Variants in XKR7 observed in about 807,000 individuals in gnomAD.
XKR7 encodes the protein XK related 7.
Under a neutral mutation model 42.2 loss-of-function variants are expected in XKR7, and 11 were observed. That is an observed-to-expected ratio of 0.26 (90% CI 0.16 to 0.43). The LOEUF (loss-of-function observed/expected upper bound fraction) is 0.43. Ranked by LOEUF, XKR7 falls within the 20% of genes least tolerant of loss-of-function variation. The pLI, the probability that XKR7 is intolerant of heterozygous loss-of-function variation, is 1.00. For missense variants in XKR7, 710 were observed against 802.2 expected, an observed-to-expected ratio of 0.89 and a Z score of 1.39; for synonymous variants, 346 against 366.4, an observed-to-expected ratio of 0.94 and a Z score of 0.64.
At chr20:31,980,750 G>C (rs1354565339) in intron 1 of XKR7, among the ~76,000 whole-genome samples, 3 of 151,952 alleles carry the variant, frequency 2.0e-5, no homozygotes, top group Non-Finnish European at 2.9e-5. Context: ...ACCTTCCTGT[G>C]GCTCTCCATC....
intron 2 of XKR7, among the ~76,000 whole-genome samples, chr20:31,996,151 C>T (rs2064590222): frequency 1.3e-5 from 2 of 151,982 alleles, no homozygotes; most frequent in Non-Finnish European, 2.9e-5. Context: ...TCCTCTTCAC[C>T]TCCTCTTCCA....
rs187081393 is a variant in XKR7 at position 31,969,770 on chromosome 20, C to G, written c.584+1011C>G. Among the ~76,000 whole-genome samples, 180 of 152,246 alleles carry G rather than the reference C, an allele frequency of 1.2e-3. 1 individual carries two copies. The highest frequency in any genetic ancestry group is 4.2e-3 in the African/African-American group (173 of 41,542). ...CATTATTCTTACCTGTTGGGATGGT[C>G]AGGTGAGAGGTCTGCATGAGGGCCC... On this transcript the variant is annotated intron_variant, in intron 1 of 2. Transcript: ENST00000562532.
chr20:31,977,023 C>T (rs1042826622), intron 1 of XKR7, among the ~76,000 whole-genome samples: 3 of 152,196 alleles, frequency 2.0e-5, no homozygotes, highest in Non-Finnish European at 2.9e-5. Flanking sequence ...TGGCATTTGG[C>T]AGGGTGCTGA....
In XKR7 at chr20:31,996,692, G is replaced by A; in HGVS notation, c.975G>A (p.Lys325=). Residue 325 remains lysine (K), a synonymous_variant, in exon 3 of 3, where the codon AAG becomes AAA. Coordinates refer to ENST00000562532, the MANE Select transcript of XKR7 (RefSeq NM_001011718.2). ...LAFALFASVY[K]LYFGIFIVAH... ...TCGCGCTCTTCGCCAGCGTCTACAA[G>A]CTCTATTTTGGCATCTTCATCGTGG... 6.2e-7 allele frequency: 1 copy of A among 1,610,378 alleles called. No individual in the cohort carries two copies. The highest frequency in any genetic ancestry group is 8.5e-7 in the Non-Finnish European group (1 of 1,177,874).
chr20:31,990,931 C>G (rs759241152), intron 1 of XKR7, among the ~76,000 whole-genome samples: 20 of 152,136 alleles, frequency 1.3e-4, no homozygotes, highest in Admixed American at 2.0e-4. Flanking sequence ...GCCTTTTATC[C>G]CCAGACCACA....
intron 1 of XKR7, among the ~76,000 whole-genome samples, chr20:31,974,932 C>T (rs2122251525): frequency 6.6e-6 from 1 of 152,220 alleles, no homozygotes; most frequent in East Asian, 1.9e-4. Flanking sequence ...TGCCTCCTCC[C>T]CTTGCCCATC....
rs1481464353 is a variant in XKR7, at chr20:32,002,506, T to G, written c.*5049T>G. 4 of 152,276 alleles carry G rather than the reference T, an allele frequency of 2.6e-5. No individual in the cohort carries two copies. Among genetic ancestry groups the G allele is most frequent in the Middle Eastern group, 3.4e-3 (1 of 294 alleles). 9.4% of individuals were successfully genotyped at this position (152,276 alleles called of 1,614,324 possible). Reference sequence around the variant, plus strand: ...CTAAACCACCGAACTTGGAGGAGCCTCATATAAACATAGCCCCCAGCCCCA... The same window carrying G: ...CTAAACCACCGAACTTGGAGGAGCCGCATATAAACATAGCCCCCAGCCCCA... On this transcript the variant is annotated 3_prime_UTR_variant, in exon 3 of 3. Coordinates refer to ENST00000562532, the MANE Select transcript of XKR7 (RefSeq NM_001011718.2).
chr20:31,971,397 T>C (rs1471127416), intron 1 of XKR7, among the ~76,000 whole-genome samples: 1 of 152,238 alleles, frequency 6.6e-6, no homozygotes, highest in East Asian at 1.9e-4. Flanking sequence ...TCTGGGTCTA[T>C]TGCCAAAGCA....
chr20:31,994,386 A>T (rs1236956838), intron 1 of XKR7, among the ~76,000 whole-genome samples: 1 of 152,140 alleles, frequency 6.6e-6, no homozygotes, highest in Admixed American at 6.5e-5. Context: ...GATAAATGAC[A>T]TATCTCTCTG....
chr20:31,969,592 A>G (rs1210576849), intron 1 of XKR7, among the ~76,000 whole-genome samples: 1 of 152,220 alleles, frequency 6.6e-6, no homozygotes, highest in Non-Finnish European at 1.5e-5. Context: ...CTGAATTGCT[A>G]TTTAGTAGCT....
intron 1 of XKR7, among the ~76,000 whole-genome samples, chr20:31,985,440 A>G (rs545725951): frequency 6.6e-6 from 1 of 151,986 alleles, no homozygotes; most frequent in East Asian, 1.9e-4. Flanking sequence ...AGTCAGGGAG[A>G]GGAGGAGCAG....
At chr20:31,969,742 T>C (rs2064455622) in intron 1 of XKR7, among the ~76,000 whole-genome samples, 1 of 152,224 alleles carries the variant, frequency 6.6e-6, no homozygotes, top group Non-Finnish European at 1.5e-5. Context: ...TGTCTTATCA[T>C]TGCATTATTC....
intron 1 of XKR7, among the ~76,000 whole-genome samples, chr20:31,981,223 A>C (rs1244355775): frequency 1.3e-5 from 2 of 151,762 alleles, no homozygotes; most frequent in Non-Finnish European, 2.9e-5. Flanking sequence ...AAATACAAAA[A>C]TCAGCTGGGT....
intron 1 of XKR7, among the ~76,000 whole-genome samples, chr20:31,978,900 C>T (rs184074560): frequency 1.3e-5 from 2 of 151,900 alleles, no homozygotes; most frequent in Admixed American, 6.6e-5. Context: ...TTTGGGAGGC[C>T]GAGGTGGGAA....
chr20:31,997,227 C>T lies in XKR7; in HGVS notation c.1510C>T (p.Arg504Trp), dbSNP rs530229497. The T allele has an allele frequency of 6.2e-6, 10 of 1,611,210 alleles. No individual in the cohort carries two copies. The highest frequency in any genetic ancestry group is 1.3e-5 in the African/African-American group (1 of 75,068). The change falls in exon 3 of 3, where the codon CGG becomes TGG. Residue 504 changes from arginine (R) to tryptophan (W), a missense_variant. Arg to Trp is a moderately radical substitution (Grantham distance 101). Transcript: ENST00000562532. ...CCCCACCCCACCTGTCTTCCAGGTG[C>T]GGCCTGGCTTGCCTCCCACACCAGT... ...GTPTPPVFQVRPGLPPTPVAR... is the reference protein window; with the variant it reads ...GTPTPPVFQVWPGLPPTPVAR...
chr20:31,995,535 C>A lies in XKR7; in HGVS notation c.787+265C>A, dbSNP rs2064587631. 6.6e-6 allele frequency among the ~76,000 whole-genome samples: 1 copy of A among 152,004 alleles called. No individual in the cohort carries two copies. The highest frequency in any genetic ancestry group is 6.5e-5 in the Admixed American group (1 of 15,274). The stretch of plus-strand genomic sequence containing the variant: ...CTCGACACCCATCAGCCCCCCTGGG[C>A]GCTCCTGCCCTCCTCCCTTCCCCGT... On this transcript the variant is annotated intron_variant, in intron 2 of 2. Transcript: ENST00000562532. The surrounding 1 kb of genome is among the most constrained non-coding windows in gnomAD (Gnocchi z 4.1).
intron 1 of XKR7, among the ~76,000 whole-genome samples, chr20:31,988,344 G>A (rs1289652329): frequency 6.6e-6 from 1 of 152,140 alleles, no homozygotes; most frequent in Admixed American, 6.5e-5. Flanking sequence ...GGTAGGATGG[G>A]CCTGGGGAGA....
At chr20:31,978,730 A>G (rs2064497091) in intron 1 of XKR7, among the ~76,000 whole-genome samples, 1 of 152,268 alleles carries the variant, frequency 6.6e-6, no homozygotes, top group African/African-American at 2.4e-5. Context: ...CATGGCAAGC[A>G]TTGAACATGT....
At position 31,995,180 on chromosome 20, in the gene XKR7, T is replaced by A. The variant is rs1568892365; in HGVS notation, c.697T>A (p.Leu233Met). ...GAGCGCCGACGTGAGCATGCTGCGC[T>A]TGCTGGAGACCTTCCTGCGCAGCGC... The part of the protein sequence containing the change: ...FESADVSMLR[L>M]LETFLRSAPQ... The change falls in exon 2 of 3, where the codon TTG (leucine) becomes ATG (methionine). Residue 233 changes from leucine (L) to methionine (M), a missense_variant. Leu to Met is a conservative substitution (Grantham distance 15, BLOSUM62 2). Transcript: ENST00000562532. This position sits in a 1 kb window ranked among gnomAD's most constrained non-coding sequence, Gnocchi z 4.1. 2 of 1,550,268 alleles carry A rather than the reference T, an allele frequency of 1.3e-6. No homozygotes were observed. The highest frequency in any genetic ancestry group is 2.4e-5 in the East Asian group (1 of 41,210).
Sources: gnomAD v4.1 joint callset for allele counts (sites outside exome capture counted in the v4.1 genomes callset) on GRCh38, gnomAD v4.1.1 for gene constraint, Gnocchi (gnomAD v3.1) non-coding constraint, MANE v1.5 for transcripts, NCBI Gene and HGNC (gene_info 2026-07-23, HGNC 2026-07-21) for gene names.